Variants in VPS13C observed in about 807,000 individuals in gnomAD.
VPS13C encodes the protein vacuolar protein sorting 13 homolog C, also known as intermembrane lipid transfer protein VPS13C.
In VPS13C, 358 loss-of-function variants were observed where a neutral mutation model predicts 456.8. That is an observed-to-expected ratio of 0.78 (90% CI 0.72 to 0.86). The LOEUF (loss-of-function observed/expected upper bound fraction) is 0.86. VPS13C is among the 40% of genes least tolerant of loss of function. VPS13C has a pLI of 0.00. For missense variants in VPS13C, 4,818 were observed against 4,385.4 expected, an observed-to-expected ratio of 1.10 and a Z score of -2.79; for synonymous variants, 1,578 against 1,486.7, an observed-to-expected ratio of 1.06 and a Z score of -1.41.
At chr15:61,972,366 T>A (rs2045579496) in intron 27 of VPS13C, among the ~76,000 whole-genome samples, 1 of 152,244 alleles carries the variant, frequency 6.6e-6, no homozygotes, top group Non-Finnish European at 1.5e-5. Flanking sequence ...ATTAAAAGTC[T>A]AAGCTCTTCC....
intron 6 of VPS13C, among the ~76,000 whole-genome samples, chr15:62,026,434 T>C (rs1567125320): frequency 6.6e-6 from 1 of 152,106 alleles, no homozygotes; most frequent in Non-Finnish European, 1.5e-5. Context: ...CTTAAAGTAC[T>C]ACTGGGAAGC....
At chr15:61,928,710 T>A (rs559152129) in intron 51 of VPS13C, among the ~76,000 whole-genome samples, 2 of 151,920 alleles carry the variant, frequency 1.3e-5, no homozygotes, top group African/African-American at 2.4e-5. Context: ...CGAAGCCCCA[T>A]GTTTACCGAA....
chr15:61,866,643 G>T (rs1894615404), intron 81 of VPS13C: 1 of 984,916 alleles, frequency 1.0e-6, no homozygotes, highest in Admixed American at 6.2e-5. Context: ...AAATTATCTA[G>T]GCACAAGAAA....
intron 9 of VPS13C, among the ~76,000 whole-genome samples, chr15:62,018,205 C>T (rs1383999402): frequency 6.6e-6 from 1 of 152,132 alleles, no homozygotes; most frequent in Non-Finnish European, 1.5e-5. Context: ...ATGGGGTTTT[C>T]TAGATATACA....
chr15:61,909,245 T>C lies in VPS13C; in HGVS notation c.8845-120A>G, dbSNP rs189500330. ...TTTTTTTCGAGACAGAGTCTTGCTG[T>C]CACCCAGGCTGGAGTACAGTGGCGC... On this transcript the variant is annotated intron_variant, in intron 64 of 84. Coordinates refer to ENST00000644861, the MANE Select transcript of VPS13C (RefSeq NM_020821.3). The C allele has an allele frequency of 2.9e-3, 3,761 of 1,285,626 alleles. 8 individuals carry two copies. Among genetic ancestry groups the C allele is most frequent in the Non-Finnish European group, 3.2e-3 (3,038 of 943,086 alleles). 79.6% of individuals were successfully genotyped at this position (1,285,626 alleles called of 1,614,324 possible).
Position 61,946,416 on chromosome 15 carries a change from G to C in VPS13C, c.4877-6C>G. ...AGAAATAGAGGCATCCATTCCTATA[G>C]GAAACATAACATTTATAAACTTTTC... On this transcript the variant is annotated splice_region_variant and splice_polypyrimidine_tract_variant and intron_variant, in intron 43 of 84. Transcript: ENST00000644861. 1 of 1,587,128 alleles carries C rather than the reference G, an allele frequency of 6.3e-7. No individual in the cohort carries two copies. Among genetic ancestry groups the C allele is most frequent in the Non-Finnish European group, 8.6e-7 (1 of 1,169,278 alleles).
At position 61,900,864 on chromosome 15, in the gene VPS13C, A is replaced by C. The variant is rs376304105; in HGVS notation, c.9105+6400T>G. ...ACACTGCCTGACTTCAAACTATACT[A>C]CAAGGCTACAGTAACCAAAACAGCA... On this transcript the variant is annotated intron_variant, in intron 66 of 84. Coordinates refer to ENST00000644861, the MANE Select transcript of VPS13C (RefSeq NM_020821.3). 6.6e-3 allele frequency among the ~76,000 whole-genome samples: 1,000 copies of C among 151,640 alleles called. 11 individuals carry two copies. The highest frequency in any genetic ancestry group is 0.046 in the South Asian group (219 of 4,806).
At chr15:61,869,362 CTA>C (rs1374584072) in intron 80 of VPS13C, 136 bp downstream of exon 80, 19 of 960,878 alleles carry the variant, frequency 2.0e-5, no homozygotes, top group Non-Finnish European at 2.2e-5. Flanking sequence ...TGGAGGCACT[CTA>C]TGTTTTAAAG....
chr15:61,863,200 T>C (rs1894318895), intron 82 of VPS13C, among the ~76,000 whole-genome samples: 1 of 152,098 alleles, frequency 6.6e-6, no homozygotes, highest in African/African-American at 2.4e-5. Flanking sequence ...GTAACTTGGA[T>C]AAGTCCCTAA....
intron 66 of VPS13C, among the ~76,000 whole-genome samples, chr15:61,891,779 C>T (rs1372596175): frequency 3.9e-5 from 6 of 152,060 alleles, no homozygotes; most frequent in Non-Finnish European, 8.8e-5. Context: ...AGGGTGATAA[C>T]GCCAAAATGG....
chr15:61,958,004 T>G (rs2045066033), intron 37 of VPS13C, among the ~76,000 whole-genome samples: 1 of 151,954 alleles, frequency 6.6e-6, no homozygotes, highest in South Asian at 2.1e-4. Flanking sequence ...CTACCATTTG[T>G]TTGAAAAAAA....
intron 22 of VPS13C, 46 bp from the exon 23 acceptor site, chr15:61,978,795 G>C: frequency 6.4e-7 from 1 of 1,557,156 alleles, no homozygotes; most frequent in Non-Finnish European, 8.6e-7. Context: ...AAACAGAAAA[G>C]CACATACATC....
chr15:61,955,969 A>G (rs984469537), intron 37 of VPS13C, among the ~76,000 whole-genome samples: 1 of 152,090 alleles, frequency 6.6e-6, no homozygotes, highest in Non-Finnish European at 1.5e-5. Flanking sequence ...CACTCCTATT[A>G]CAGGGTACAT....
chr15:61,896,068 C>T (rs1319552985), intron 66 of VPS13C, among the ~76,000 whole-genome samples: 1 of 152,082 alleles, frequency 6.6e-6, no homozygotes, highest in African/African-American at 2.4e-5. Context: ...TAAGTACGTA[C>T]AATTGTGTCA....
At chr15:62,017,910 A>G (rs897883505) in intron 9 of VPS13C, among the ~76,000 whole-genome samples, 5 of 152,136 alleles carry the variant, frequency 3.3e-5, no homozygotes, top group Admixed American at 3.3e-4. Flanking sequence ...GATTCTTCCT[A>G]TCCATGAGCA....
In VPS13C at chr15:61,918,266, C is replaced by CA. The variant is rs567226384; in HGVS notation, c.7639-10dup. 1,008 of 1,453,360 alleles carry CA rather than the reference C, an allele frequency of 6.9e-4. No homozygotes were observed. Among genetic ancestry groups the CA allele is most frequent in the South Asian group, 1.9e-3 (131 of 69,134 alleles). 90.0% of individuals were successfully genotyped at this position (1,453,360 alleles called of 1,614,324 possible). A position where few individuals can be genotyped will look rare whatever the true frequency, so the allele number is the denominator to read the frequency against. ...GAGAAATGGTTTTTGATCTGTTGGA[C>CA]AAAAAAAAATACAAGTTTTTTAAAA... On this transcript the variant is annotated splice_polypyrimidine_tract_variant and intron_variant, in intron 58 of 84. Transcript: ENST00000644861.
At position 61,917,559 on chromosome 15, in the gene VPS13C, C is replaced by T. The variant is rs762673117; in HGVS notation, c.7837G>A (p.Glu2613Lys). The change falls in exon 60 of 85, where the codon GAA (glutamate) becomes AAA (lysine). Residue 2613 changes from glutamate to lysine, a missense_variant. Glu to Lys is a moderately conservative substitution (Grantham distance 56). Coordinates refer to ENST00000644861, the MANE Select transcript of VPS13C (RefSeq NM_020821.3). ...ACTTCCCTGCTCCTATGAAGTTCTT[C>T]CTTCCAGGAAATATAAGTGGTAGAT... The part of the protein sequence containing the change: ...KESTTYISWK[E>K]ELHRSREVRC... 3.7e-6 allele frequency: 6 copies of T among 1,613,998 alleles called. No homozygotes were observed. Among genetic ancestry groups the T allele is most frequent in the Non-Finnish European group, 4.2e-6 (5 of 1,179,902 alleles).
At chr15:61,895,458 C>T (rs1158370044) in intron 66 of VPS13C, among the ~76,000 whole-genome samples, 2 of 151,926 alleles carry the variant, frequency 1.3e-5, no homozygotes, top group East Asian at 3.9e-4. Flanking sequence ...TTTAGCTAGA[C>T]TACAAAAAAA....
chr15:61,852,825 T>C lies in VPS13C; in HGVS notation c.*1632A>G, dbSNP rs1893716228. The C allele has an allele frequency of 6.6e-6, 1 of 152,192 alleles. No individual in the cohort carries two copies. Among genetic ancestry groups the C allele is most frequent in the Admixed American group, 6.5e-5 (1 of 15,284 alleles). 9.4% of individuals were successfully genotyped at this position (152,192 alleles called of 1,614,324 possible). A position where few individuals can be genotyped will look rare whatever the true frequency, so the allele number is the denominator to read the frequency against. The stretch of plus-strand genomic sequence containing the variant: ...GAGATCAAACATTTAGGGCATTAGT[T>C]ACTGCATTCTCTTTTTAGAATATAC... On this transcript the variant is annotated 3_prime_UTR_variant, in exon 85 of 85. Transcript: ENST00000644861.
Sources: allele counts gnomAD v4.1 joint callset (sites outside exome capture counted in the v4.1 genomes callset), GRCh38; gene constraint gnomAD v4.1.1; transcripts MANE v1.5; gene names NCBI Gene and HGNC (gene_info 2026-07-23, HGNC 2026-07-21).